The following ATXN10 variants were observed in gnomAD, a reference collection of about 807,000 sequenced individuals.
The protein encoded by ATXN10 is ataxin-10.
A neutral mutation model predicts 52.9 loss-of-function variants in ATXN10; 28 were observed. That is an observed-to-expected ratio of 0.53 (90% CI 0.39 to 0.73). The LOEUF (loss-of-function observed/expected upper bound fraction) is 0.73, where lower values mean the gene tolerates loss of function less well. ATXN10 is among the 30% of genes least tolerant of loss of function. The pLI is 0.00. For synonymous variants in ATXN10, 226 were observed against 221.5 expected (o/e 1.02, Z -0.18); for missense variants, 565 against 577.0 (o/e 0.98, Z 0.21).
chr22:45,700,431 T>A, intron 4 of ATXN10, 53 bp downstream of exon 4: 2 of 1,437,302 alleles, frequency 1.4e-6, no homozygotes, highest in Non-Finnish European at 2.0e-6. Context: ...GTGGCTATAT[T>A]TTTCCATTTT....
intron 6 of ATXN10, among the ~76,000 whole-genome samples, chr22:45,725,966 G>A (rs1162330685): frequency 6.6e-6 from 1 of 152,038 alleles, no homozygotes; most frequent in African/African-American, 2.4e-5. Flanking sequence ...ATTTACTTGG[G>A]TATGTTGAAC....
rs901855408 is a variant in ATXN10, at chr22:45,781,895, A to G, written c.1174-25064A>G. ...TGGAAGAAAAAAATCAGTGAACTGG[A>G]GGATGGAATAAAAATTATCCAGTCT... On this transcript the variant is annotated intron_variant, in intron 9 of 11. Transcript: ENST00000252934. The surrounding 1 kb of genome is among the most constrained non-coding windows in gnomAD (Gnocchi z 4.2). Among the ~76,000 whole-genome samples, 1 of 152,238 alleles carries G rather than the reference A, an allele frequency of 6.6e-6. No homozygotes were observed. The highest frequency in any genetic ancestry group is 2.4e-5 in the African/African-American group (1 of 41,476).
At position 45,826,148 on chromosome 22, in the gene ATXN10, A is replaced by G. The variant is rs1000178017; in HGVS notation, c.1238-16843A>G. Among the ~76,000 whole-genome samples the G allele has an allele frequency of 1.3e-5, 2 of 152,202 alleles. No homozygotes were observed. The highest frequency in any genetic ancestry group is 2.9e-5 in the Non-Finnish European group (2 of 68,032). On this transcript the variant is annotated intron_variant, in intron 10 of 11. Transcript: ENST00000252934. This position sits in a 1 kb window ranked among gnomAD's most constrained non-coding sequence, Gnocchi z 5.0. ...AGACCTGAAGATAAATCAAAGAGAA[A>G]TTCTGGAGCTGAAAGTACAATACCT...
intron 9 of ATXN10, among the ~76,000 whole-genome samples, chr22:45,773,193 G>T (rs532417473): frequency 2.0e-5 from 3 of 152,290 alleles, no homozygotes; most frequent in Admixed American, 1.3e-4. Context: ...ACCTTGTGTC[G>T]TATGGGCTTG....
chr22:45,817,975 C>G (rs1350303974), intron 10 of ATXN10, among the ~76,000 whole-genome samples: 1 of 152,152 alleles, frequency 6.6e-6, no homozygotes, highest in Non-Finnish European at 1.5e-5. Flanking sequence ...CAACGGGCTC[C>G]CAGGGTGAGA....
intron 3 of ATXN10, among the ~76,000 whole-genome samples, chr22:45,697,732 G>A (rs1012016503): frequency 5.9e-5 from 9 of 152,124 alleles, no homozygotes; most frequent in South Asian, 2.1e-4. Context: ...TGGGGTTCAC[G>A]CCATTCTCCT....
rs1262274213 is a variant in ATXN10 at position 45,701,943 on chromosome 22, T to C, written c.489-746T>C. ...AGGTTTTGTTATTGTATTTTATTTT[T>C]TATACCAGAAAACATATTAAGAGAG... On this transcript the variant is annotated intron_variant, in intron 4 of 11. Coordinates refer to ENST00000252934, the MANE Select transcript of ATXN10 (RefSeq NM_013236.4). This position sits in a 1 kb window ranked among gnomAD's most constrained non-coding sequence, Gnocchi z 4.2. Among the ~76,000 whole-genome samples the C allele has an allele frequency of 1.3e-5, 2 of 152,244 alleles. No homozygotes were observed. The highest frequency in any genetic ancestry group is 2.9e-5 in the Non-Finnish European group (2 of 68,040).
At chr22:45,760,325 T>G (rs554496714) in intron 9 of ATXN10, among the ~76,000 whole-genome samples, 4 of 152,288 alleles carry the variant, frequency 2.6e-5, no homozygotes, top group African/African-American at 9.6e-5. Context: ...GTGGGGTTTA[T>G]TCACGTACCA....
At position 45,781,476 on chromosome 22, in the gene ATXN10, T is replaced by A. The variant is rs1927148101; in HGVS notation, c.1174-25483T>A. On this transcript the variant is annotated intron_variant, in intron 9 of 11. Coordinates refer to ENST00000252934, the MANE Select transcript of ATXN10 (RefSeq NM_013236.4). This position sits in a 1 kb window ranked among gnomAD's most constrained non-coding sequence, Gnocchi z 4.2. Reference sequence around the variant, plus strand: ...GTGAGCTGCTCTGCCTTCCACGTGCTGTTGTTGAACGAGCTCTGCTAAAAT... The same window carrying A: ...GTGAGCTGCTCTGCCTTCCACGTGCAGTTGTTGAACGAGCTCTGCTAAAAT... Among the ~76,000 whole-genome samples, 1 of 152,210 alleles carries A rather than the reference T, an allele frequency of 6.6e-6. No individual in the cohort carries two copies.
chr22:45,717,851 T>A (rs527612689), intron 5 of ATXN10, among the ~76,000 whole-genome samples: 1 of 152,326 alleles, frequency 6.6e-6, no homozygotes, highest in Admixed American at 6.5e-5. Context: ...TTTTTAGTTG[T>A]CACAGGGGTA....
intron 1 of ATXN10, 159 bp downstream of exon 1, chr22:45,672,338 C>G (rs1922491156): frequency 1.3e-6 from 1 of 764,938 alleles, no homozygotes; most frequent in African/African-American, 1.9e-5. Context: ...CTCCCGACTC[C>G]CAGGCACCGC....
chr22:45,792,770 C>T (rs1927560300), intron 9 of ATXN10: 2 of 482,324 alleles, frequency 4.1e-6, no homozygotes, highest in Non-Finnish European at 8.4e-6. Context: ...CTTTTGAAAT[C>T]GTCAACCTCC....
At chr22:45,822,912 A>G (rs147942432) in intron 10 of ATXN10, among the ~76,000 whole-genome samples, 1 of 152,130 alleles carries the variant, frequency 6.6e-6, no homozygotes, top group Non-Finnish European at 1.5e-5. Flanking sequence ...TTTTTTGCCC[A>G]TAGTTAGGTG....
intron 9 of ATXN10, among the ~76,000 whole-genome samples, chr22:45,788,931 G>A (rs544472254): frequency 2.0e-5 from 3 of 152,276 alleles, no homozygotes; most frequent in Admixed American, 1.3e-4. Flanking sequence ...TTACAGGCAT[G>A]AGCCACCATG....
chr22:45,745,060 A>T (rs936424092), intron 9 of ATXN10, among the ~76,000 whole-genome samples: 1 of 152,136 alleles, frequency 6.6e-6, no homozygotes, highest in East Asian at 1.9e-4. Context: ...TGTAGTGATT[A>T]GTTTACTTCT....
rs1601598040 is a variant in ATXN10, at chr22:45,705,490, G to A, written c.647+2643G>A. On this transcript the variant is annotated intron_variant, in intron 5 of 11. Transcript: ENST00000252934. The surrounding 1 kb of genome is among the most constrained non-coding windows in gnomAD (Gnocchi z 5.2). ...ACTCTGTTGCCCAGGCTGGAGTGCA[G>A]TGGTGCGATCTCGGCTCACTGCAAC... Among the ~76,000 whole-genome samples the A allele has an allele frequency of 6.6e-6, 1 of 152,040 alleles. No individual in the cohort carries two copies. Among genetic ancestry groups the A allele is most frequent in the South Asian group, 2.1e-4 (1 of 4,812 alleles).
At chr22:45,778,886 G>A (rs966704229) in intron 9 of ATXN10, among the ~76,000 whole-genome samples, 7 of 152,060 alleles carry the variant, frequency 4.6e-5, no homozygotes, top group African/African-American at 1.4e-4. Context: ...GTACAAAAAG[G>A]TCCTAGGATG....
At chr22:45,734,994 C>T (rs1285509797) in intron 7 of ATXN10, among the ~76,000 whole-genome samples, 1 of 151,674 alleles carries the variant, frequency 6.6e-6, no homozygotes, top group East Asian at 1.9e-4. Flanking sequence ...AAGCGATTCT[C>T]CTGCCTCAGC....
At chr22:45,812,992 AG>A in intron 10 of ATXN10, among the ~76,000 whole-genome samples, 1 of 152,336 alleles carries the variant, frequency 6.6e-6, no homozygotes, top group South Asian at 2.1e-4. Context: ...AGAGACCACC[AG>A]GGATTTCCAA....
Sources: gnomAD v4.1 joint callset for allele counts (sites outside exome capture counted in the v4.1 genomes callset) on GRCh38, gnomAD v4.1.1 for gene constraint, Gnocchi (gnomAD v3.1) non-coding constraint, MANE v1.5 for transcripts, NCBI Gene and HGNC (gene_info 2026-07-23, HGNC 2026-07-21) for gene names.